The following ZNF329 variants were observed in gnomAD, a reference collection of about 807,000 sequenced individuals.
ZNF329 encodes the protein zinc finger protein 329.
A neutral mutation model predicts 26.6 loss-of-function variants in ZNF329; 15 were observed. The ratio of observed to expected loss-of-function variants is 0.56; its 90% confidence interval spans 0.38 to 0.87. ZNF329 has a LOEUF of 0.87. Ranked by LOEUF, ZNF329 falls within the 40% of genes least tolerant of loss-of-function variation. ZNF329 has a pLI of 0.00. For missense variants in ZNF329, 651 were observed against 651.9 expected (o/e 1.00, Z 0.02); for synonymous variants, 239 against 233.5 (o/e 1.02, Z -0.21).
intron 3 of ZNF329, among the ~76,000 whole-genome samples, chr19:58,130,592 C>T (rs543036007): frequency 4.1e-4 from 60 of 148,130 alleles, no homozygotes; most frequent in Admixed American, 2.8e-3. Flanking sequence ...GAGAATGGCG[C>T]GAACCCGGGA....
chr19:58,151,311 C>T (rs1568681284), upstream of ZNF329, among the ~76,000 whole-genome samples: 1 of 152,098 alleles, frequency 6.6e-6, no homozygotes, highest in Non-Finnish European at 1.5e-5. Flanking sequence ...TATTTACTGA[C>T]AGGGAAGAGA....
chr19:58,151,984 C>T (rs960112089), upstream of ZNF329, among the ~76,000 whole-genome samples: 3 of 152,126 alleles, frequency 2.0e-5, no homozygotes, highest in African/African-American at 7.2e-5. Context: ...CTATTACTCT[C>T]CGAACCTCTC....
chr19:58,147,112 C>T (rs1327019387), intron 1 of ZNF329, among the ~76,000 whole-genome samples: 1 of 151,600 alleles, frequency 6.6e-6, no homozygotes, highest in African/African-American at 2.4e-5. Flanking sequence ...TGAGGAGCGT[C>T]TCTGCCCGGC....
intron 1 of ZNF329, among the ~76,000 whole-genome samples, chr19:58,145,314 C>CTTTTTTTTT (rs71188087): frequency 9.4e-6 from 1 of 106,168 alleles, no homozygotes; most frequent in Non-Finnish European, 1.8e-5. Flanking sequence ...TTTTTTCTTC[C>CTTTTTTTTT]TTTTTTTTTT....
chr19:58,155,014 T>C (rs1401695302), upstream of ZNF329: 2 of 152,282 alleles, frequency 1.3e-5, no homozygotes, highest in Non-Finnish European at 2.9e-5. Context: ...CGGCCACCCC[T>C]GAGAGCACTC....
intron 3 of ZNF329, among the ~76,000 whole-genome samples, chr19:58,131,683 T>C (rs1030706953): frequency 1.3e-5 from 2 of 151,236 alleles, no homozygotes; most frequent in African/African-American, 4.9e-5. Flanking sequence ...AGAAAAAAAA[T>C]GGGCAAAGTA....
chr19:58,132,167 G>A (rs1305677096), intron 3 of ZNF329: 1 of 152,148 alleles, frequency 6.6e-6, no homozygotes, highest in African/African-American at 2.4e-5. Context: ...ATAAAATGAA[G>A]TACAATAATA....
At chr19:58,136,509 A>G (rs943454025) in intron 3 of ZNF329, among the ~76,000 whole-genome samples, 15 of 151,798 alleles carry the variant, frequency 9.9e-5, no homozygotes, top group Admixed American at 8.5e-4. Flanking sequence ...CTGTGTCTCT[A>G]TGAAAGAAAA....
intron 1 of ZNF329, among the ~76,000 whole-genome samples, chr19:58,148,308 A>G (rs75046869): frequency 0.58 from 83,209 of 144,694 alleles, 24,215 homozygotes; most frequent in South Asian, 0.64. Flanking sequence ...TTGTTCACTT[A>G]TTTATCTGCT....
intron 1 of ZNF329, among the ~76,000 whole-genome samples, chr19:58,147,140 G>A: frequency 6.6e-6 from 1 of 151,494 alleles, no homozygotes. Context: ...CGTCTGAGAT[G>A]TGGGGAGCGC....
chr19:58,140,603 G>C (rs1227165841), intron 3 of ZNF329, among the ~76,000 whole-genome samples: 3 of 151,940 alleles, frequency 2.0e-5, no homozygotes, highest in African/African-American at 7.2e-5. Flanking sequence ...TTTTAGTAGA[G>C]ATGGGGTTTC....
chr19:58,152,754 G>A (rs2075480079), upstream of ZNF329, among the ~76,000 whole-genome samples: 1 of 152,074 alleles, frequency 6.6e-6, no homozygotes, highest in African/African-American at 2.4e-5. Context: ...CTACTCCGGA[G>A]GCTGAGGCAG....
chr19:58,128,984 A>G lies in ZNF329; in HGVS notation c.520T>C (p.Ser174Pro). The G allele has an allele frequency of 6.2e-7, 1 of 1,612,888 alleles. No individual in the cohort carries two copies. Among genetic ancestry groups the G allele is most frequent in the Non-Finnish European group, 8.5e-7 (1 of 1,179,402 alleles). Reference protein sequence around the residue: ...HQKIMKRGKKSYEGKNFENIF... With the variant: ...HQKIMKRGKKPYEGKNFENIF... ...TTCTCAAAATTCTTACCTTCATACG[A>G]TTTCTTGCCTCTTTTCATTATTTTC... The change falls in exon 4 of 4, where the codon TCG (serine) becomes CCG (proline). Residue 174 changes from serine to proline, a missense_variant. Physicochemically the swap from Ser to Pro is moderately conservative, Grantham distance 74. Transcript: ENST00000598312.
chr19:58,146,581 C>T (rs1170638938), intron 1 of ZNF329, among the ~76,000 whole-genome samples: 11 of 145,882 alleles, frequency 7.5e-5, no homozygotes, highest in East Asian at 5.8e-4. Flanking sequence ...TCTCTTTCCA[C>T]GGTCTCCCTC....
chr19:58,147,108 G>A (rs2146127543), intron 1 of ZNF329, among the ~76,000 whole-genome samples: 2 of 151,476 alleles, frequency 1.3e-5, no homozygotes, highest in South Asian at 2.1e-4. Flanking sequence ...GAAGTGAGGA[G>A]CGTCTCTGCC....
intron 3 of ZNF329, 135 bp downstream of exon 3, chr19:58,142,422 G>A (rs755444043): frequency 6.6e-6 from 1 of 152,592 alleles, no homozygotes; most frequent in Non-Finnish European, 1.5e-5. Flanking sequence ...AGTATGTGTC[G>A]AGTCTGTAAG....
At chr19:58,154,431 A>G (rs2075509768), upstream of ZNF329, among the ~76,000 whole-genome samples, 6 of 152,060 alleles carry the variant, frequency 3.9e-5, no homozygotes. Flanking sequence ...TGCTCACCCC[A>G]GTCCTCTTGC....
chr19:58,153,530 T>C (rs2075493615), upstream of ZNF329, among the ~76,000 whole-genome samples: 1 of 152,188 alleles, frequency 6.6e-6, no homozygotes, highest in Non-Finnish European at 1.5e-5. Context: ...CTCTTCCAGA[T>C]AGCAGCATAG....
At chr19:58,146,475 A>T (rs1023086208) in intron 1 of ZNF329, among the ~76,000 whole-genome samples, 1 of 126,886 alleles carries the variant, frequency 7.9e-6, no homozygotes, top group Non-Finnish European at 1.7e-5. Flanking sequence ...TTCCATCTTT[A>T]AAAAAAAAAA....
Sources: allele counts gnomAD v4.1 joint callset (sites outside exome capture counted in the v4.1 genomes callset), GRCh38; gene constraint gnomAD v4.1.1; transcripts MANE v1.5; gene names NCBI Gene and HGNC (gene_info 2026-07-23, HGNC 2026-07-21).